LINGO1: variants seen among roughly 807,000 people sequenced by gnomAD.
LINGO1 encodes leucine-rich repeat and immunoglobulin-like domain-containing nogo receptor-interacting protein 1.
In LINGO1, 11 loss-of-function variants were observed where a neutral mutation model predicts 37.3. The ratio of observed to expected loss-of-function variants is 0.29; its 90% CI spans 0.19 to 0.49. The LOEUF (loss-of-function observed/expected upper bound fraction) is 0.49, where lower values mean the gene tolerates loss of function less well. Among genes scored for constraint, LINGO1 ranks in the 20% least tolerant of loss-of-function variants. LINGO1 has a pLI of 0.99. For missense variants in LINGO1, 585 were observed against 878.2 expected (o/e 0.67, Z 4.22); for synonymous variants, 387 against 403.0 (o/e 0.96, Z 0.48).
chr15:77,754,254 G>A (rs372519879), intron 1 of LINGO1, among the ~76,000 whole-genome samples: 1 of 150,496 alleles, frequency 6.6e-6, no homozygotes, highest in African/African-American at 2.4e-5. Context: ...GGGAGTGAGG[G>A]GGGAAGGGGA....
chr15:77,797,118 C>T (rs758828873), intron 1 of LINGO1, among the ~76,000 whole-genome samples: 19 of 152,226 alleles, frequency 1.2e-4, no homozygotes, highest in Non-Finnish European at 2.5e-4. Flanking sequence ...GGCTCTGAGG[C>T]GTCCATGGTG....
intron 3 of LINGO1, chr15:77,648,792 T>A (rs901218437): frequency 1.3e-5 from 2 of 152,298 alleles, no homozygotes; most frequent in African/African-American, 4.8e-5. Flanking sequence ...GGGTCACCCC[T>A]TGTGCACCCT....
chr15:77,782,410 C>T (rs1349922157), intron 1 of LINGO1, among the ~76,000 whole-genome samples: 1 of 152,218 alleles, frequency 6.6e-6, no homozygotes, highest in Non-Finnish European at 1.5e-5. Context: ...CGGTGAGCCC[C>T]TCAGTGTCCT....
chr15:77,636,478 T>C (rs544016129), upstream of LINGO1, among the ~76,000 whole-genome samples: 1 of 151,726 alleles, frequency 6.6e-6, no homozygotes, highest in East Asian at 1.9e-4. Context: ...TGAGTGGGGG[T>C]TGGGCAGCTG....
intron 1 of LINGO1, among the ~76,000 whole-genome samples, chr15:77,786,525 A>G (rs1437072744): frequency 6.6e-6 from 1 of 152,144 alleles, no homozygotes; most frequent in Non-Finnish European, 1.5e-5. Context: ...CCGGGCTCCT[A>G]CAGTTCTGGA....
chr15:77,730,315 A>C (rs1194444337), intron 2 of LINGO1, among the ~76,000 whole-genome samples: 1 of 152,160 alleles, frequency 6.6e-6, no homozygotes, highest in Non-Finnish European at 1.5e-5. Flanking sequence ...GGGTTCTGCT[A>C]TCATTTTCCT....
At chr15:77,736,171 A>G (rs921089433) in intron 1 of LINGO1, among the ~76,000 whole-genome samples, 1 of 152,194 alleles carries the variant, frequency 6.6e-6, no homozygotes, top group African/African-American at 2.4e-5. Context: ...GTGCATTTGT[A>G]CACATGTGCA....
chr15:77,622,943 G>A lies in LINGO1; in HGVS notation c.7-7043C>T, dbSNP rs115431841. On this transcript the variant is annotated intron_variant, in intron 1 of 1. Coordinates refer to ENST00000355300, the MANE Select transcript of LINGO1 (RefSeq NM_032808.7). ...GCCACCCTCTGCCCACACTGCTTCT[G>A]GGCTTCTCCCAGCTCTGCTGGCACT... Among the ~76,000 whole-genome samples the A allele has an allele frequency of 5.2e-3, 788 of 152,276 alleles. 7 individuals are homozygous for A. The highest frequency in any genetic ancestry group is 0.018 in the African/African-American group (745 of 41,550).
In LINGO1 at chr15:77,632,648, G is replaced by A. The variant is rs1055170862; in HGVS notation, c.-333C>T. On this transcript the variant is annotated 5_prime_UTR_variant, in exon 1 of 2. Transcript: ENST00000355300. The surrounding 1 kb of genome is among the most constrained non-coding windows in gnomAD (Gnocchi z 6.0). ...GGGCCGGCCCGGAGCCGCCGCCGCC[G>A]CCTCTGCCGCTGGGGCCGGGGTCGA... Among the ~76,000 whole-genome samples, 2 of 146,038 alleles carry A rather than the reference G, an allele frequency of 1.4e-5. No individual in the cohort carries two copies. The highest frequency in any genetic ancestry group is 6.8e-5 in the Admixed American group (1 of 14,712).
intron 1 of LINGO1, chr15:77,784,514 T>C (rs548170944): frequency 6.6e-6 from 1 of 152,372 alleles, no homozygotes; most frequent in East Asian, 1.9e-4. Context: ...AGCAAACAAT[T>C]TGTTACAATA....
intron 1 of LINGO1, among the ~76,000 whole-genome samples, chr15:77,766,601 G>A (rs1282543890): frequency 6.6e-6 from 1 of 152,176 alleles, no homozygotes; most frequent in Non-Finnish European, 1.5e-5. Context: ...TTCTCGTGAA[G>A]TGAGTGCGTT....
chr15:77,687,757 G>A (rs902394563), intron 2 of LINGO1, among the ~76,000 whole-genome samples: 1 of 152,238 alleles, frequency 6.6e-6, no homozygotes, highest in Non-Finnish European at 1.5e-5. Flanking sequence ...GGTAAACCCA[G>A]GTCTGGCTGA....
At chr15:77,623,656 G>A (rs2142539665) in intron 1 of LINGO1, among the ~76,000 whole-genome samples, 1 of 152,266 alleles carries the variant, frequency 6.6e-6, no homozygotes. Flanking sequence ...CTCCCCGGGG[G>A]TTGGTCCGCC....
At position 77,704,406 on chromosome 15, in the gene LINGO1, A is replaced by G. The variant is rs1247867771; in HGVS notation, c.-194-13505T>C. The stretch of plus-strand genomic sequence containing the variant: ...AACCCCGACCCTGATCACAGATTGA[A>G]CCCCAACCCTGGCCACACACTGAAT... On this transcript the variant is annotated intron_variant, in intron 2 of 3. Transcript: ENST00000561686. Among the ~76,000 whole-genome samples the G allele has an allele frequency of 6.2e-4, 93 of 149,776 alleles. 2 individuals are homozygous for G. Among genetic ancestry groups the G allele is most frequent in the African/African-American group, 2.2e-3 (89 of 39,826 alleles).
intron 1 of LINGO1, among the ~76,000 whole-genome samples, chr15:77,755,034 G>A (rs1438836097): frequency 2.0e-5 from 3 of 152,214 alleles, no homozygotes; most frequent in Non-Finnish European, 4.4e-5. Flanking sequence ...TGCCAGCCAC[G>A]TCTGTAGGGA....
intron 1 of LINGO1, among the ~76,000 whole-genome samples, chr15:77,694,660 C>G (rs1371083130): frequency 6.6e-6 from 1 of 152,240 alleles, no homozygotes; most frequent in South Asian, 2.1e-4. Context: ...ACTCTGTCCC[C>G]CTTTACCCCT....
chr15:77,784,196 G>C (rs950397927), intron 1 of LINGO1, among the ~76,000 whole-genome samples: 1 of 152,262 alleles, frequency 6.6e-6, no homozygotes, highest in Admixed American at 6.5e-5. Context: ...GAGTTGGTTC[G>C]CATAGCAGAA....
rs555292398 is a variant in LINGO1 at position 77,716,910 on chromosome 15, A to G, written c.-195+18082T>C. On this transcript the variant is annotated intron_variant, in intron 2 of 3. Coordinates refer to the LINGO1 transcript ENST00000561686. Reference sequence around the variant, plus strand: ...TGCTTCCCCATGCCTTCCCAGGGTCACCTCCAGAATCTCGGATTCCAGCCA... The same window carrying G: ...TGCTTCCCCATGCCTTCCCAGGGTCGCCTCCAGAATCTCGGATTCCAGCCA... Among the ~76,000 whole-genome samples the G allele has an allele frequency of 2.9e-4, 43 of 150,442 alleles. 1 individual carries two copies. The highest frequency in any genetic ancestry group is 6.8e-3 in the Middle Eastern group (2 of 294).
At chr15:77,685,209 G>A (rs1346937050) in intron 2 of LINGO1, among the ~76,000 whole-genome samples, 1 of 152,102 alleles carries the variant, frequency 6.6e-6, no homozygotes, top group Non-Finnish European at 1.5e-5. Context: ...GAGGAGCTGT[G>A]CCTCCAGCCC....
Sources: allele counts gnomAD v4.1 joint callset (sites outside exome capture counted in the v4.1 genomes callset), GRCh38; gene constraint gnomAD v4.1.1; non-coding constraint Gnocchi (gnomAD v3.1); transcripts MANE v1.5; gene names NCBI Gene and HGNC (gene_info 2026-07-23, HGNC 2026-07-21).